Variants in VCAN observed in about 807,000 individuals in gnomAD.
The protein encoded by VCAN is versican core protein.
Under a neutral mutation model 245.5 loss-of-function variants are expected in VCAN, and 44 were observed. The observed-to-expected ratio is 0.18, with a 90% CI of 0.14 to 0.23. The LOEUF (loss-of-function observed/expected upper bound fraction) is 0.23, where lower values mean the gene tolerates loss of function less well. Among genes scored for constraint, VCAN ranks in the 10% least tolerant of loss-of-function variants. The probability of loss-of-function intolerance (pLI) is 1.00; values close to 1 mark genes in which losing one functional copy is unlikely to be tolerated. For synonymous variants in VCAN, 1,413 were observed against 1,437.0 expected (o/e 0.98, Z 0.38); for missense variants, 3,793 against 4,057.9 (o/e 0.93, Z 1.77).
rs61754531 is a variant in VCAN, at chr5:83,520,371, A to G, written c.2065A>G (p.Thr689Ala). The G allele has an allele frequency of 9.0e-3, 14,538 of 1,612,284 alleles. 99 individuals are homozygous for G. The highest frequency in any genetic ancestry group is 0.018 in the Middle Eastern group (108 of 6,052). Residue 689 changes from threonine to alanine, a missense_variant, in exon 7 of 15, where the codon ACA becomes GCA. Thr to Ala is a moderately conservative substitution (Grantham distance 58). Coordinates refer to ENST00000265077, the MANE Select transcript of VCAN (RefSeq NM_004385.5). ...EMTHRRERTETLIPEMRTDTY... is the reference protein window; with the variant it reads ...EMTHRRERTEALIPEMRTDTY... ...GACACATAGAAGAGAAAGAACAGAA[A>G]CACTAATACCAGAGATGAGAACAGA...
At chr5:83,501,911 G>A (rs1373208413) in intron 5 of VCAN, among the ~76,000 whole-genome samples, 3 of 152,082 alleles carry the variant, frequency 2.0e-5, no homozygotes, top group African/African-American at 7.2e-5. Flanking sequence ...TATGTCTTCT[G>A]ATCTGTGAAC....
intron 7 of VCAN, among the ~76,000 whole-genome samples, chr5:83,529,774 C>A (rs761162407): frequency 1.1e-4 from 17 of 152,138 alleles, no homozygotes; most frequent in Non-Finnish European, 7.4e-5. Context: ...CTGTGACAGG[C>A]ATTTCACATA....
At chr5:83,548,200 T>G in intron 10 of VCAN, 116 bp downstream of exon 10, 1 of 788,682 alleles carries the variant, frequency 1.3e-6, no homozygotes, top group Non-Finnish European at 2.2e-6. Flanking sequence ...GGTTTCCTTA[T>G]TCAGGGATAG....
At chr5:83,490,614 C>A in intron 3 of VCAN, 142 bp downstream of exon 3, 2 of 1,293,454 alleles carry the variant, frequency 1.5e-6, no homozygotes, top group South Asian at 1.4e-5. Context: ...CCACGTCTTT[C>A]ACCAAAAATG....
Position 83,539,215 on chromosome 5 carries a change from C to A in VCAN, c.6212C>A (p.Ala2071Asp). 6.2e-7 allele frequency: 1 copy of A among 1,614,006 alleles called. No homozygotes were observed. The highest frequency in any genetic ancestry group is 8.5e-7 in the Non-Finnish European group (1 of 1,179,984). The change falls in exon 8 of 15, where the codon GCT becomes GAT. Residue 2071 changes from alanine to aspartate, a missense_variant. By Grantham distance (126) the Ala-to-Asp change is moderately radical. Transcript: ENST00000265077. Reference protein sequence around the residue: ...LPTAEVEGTKAPVEKEEVKVS... With the variant: ...LPTAEVEGTKDPVEKEEVKVS... ...ACAGCAGAAGTGGAAGGTACGAAAG[C>A]TCCAGTAGAGAAGGAGGAAGTAAAG...
intron 1 of VCAN, among the ~76,000 whole-genome samples, chr5:83,479,642 T>C (rs1031874315): frequency 2.6e-5 from 4 of 152,116 alleles, no homozygotes; most frequent in African/African-American, 4.8e-5. Context: ...GAAATAGGGA[T>C]TTGGAGTGGT....
chr5:83,578,055 G>C (rs1748543109), intron 13 of VCAN, among the ~76,000 whole-genome samples: 2 of 151,994 alleles, frequency 1.3e-5, no homozygotes, highest in South Asian at 4.2e-4. Flanking sequence ...TATCACTTTG[G>C]TCTTATTCCA....
In VCAN at chr5:83,541,282, C is replaced by T. The variant is rs1485725400; in HGVS notation, c.8279C>T (p.Ser2760Phe). ...GAAGACAAAAAACATGCTGGTCCTTCTTTTCAGCCAGAATTCTCTTCAGGA... is the reference window on the plus strand; with the variant it reads ...GAAGACAAAAAACATGCTGGTCCTTTTTTTCAGCCAGAATTCTCTTCAGGA... ...EYEDKKHAGP[S>F]FQPEFSSGAE... Residue 2760 changes from serine (S) to phenylalanine (F), a missense_variant, in exon 8 of 15, where the codon TCT becomes TTT. This residue lies in a region of VCAN where 3,182 missense variants were observed against 3,250.3 expected (regional missense o/e 0.98). Coordinates refer to ENST00000265077, the MANE Select transcript of VCAN (RefSeq NM_004385.5). 6.2e-7 allele frequency: 1 copy of T among 1,613,884 alleles called. No homozygotes were observed. Among genetic ancestry groups the T allele is most frequent in the Non-Finnish European group, 8.5e-7 (1 of 1,180,002 alleles).
chr5:83,563,930 G>T (rs1163910633), intron 12 of VCAN, among the ~76,000 whole-genome samples: 1 of 152,142 alleles, frequency 6.6e-6, no homozygotes, highest in African/African-American at 2.4e-5. Context: ...ATTTGGCTTT[G>T]GTTCTGATGC....
chr5:83,492,230 T>A (rs1315146298), intron 3 of VCAN, among the ~76,000 whole-genome samples: 1 of 152,148 alleles, frequency 6.6e-6, no homozygotes, highest in Non-Finnish European at 1.5e-5. Context: ...AGAGATGATC[T>A]AAGGATGAAC....
chr5:83,484,246 A>G lies in VCAN; in HGVS notation c.70+658A>G, dbSNP rs573269273. ...CACACTTATATTATGCATCAGACTC[A>G]CCTTTTATGATTTTCCAGATGAATT... On this transcript the variant is annotated intron_variant, in intron 2 of 14. Transcript: ENST00000265077. 2.0e-5 allele frequency among the ~76,000 whole-genome samples: 3 copies of G among 152,264 alleles called. No individual in the cohort carries two copies. The East Asian group carries it at 5.8e-4, about 29-fold the overall frequency.
intron 8 of VCAN, 86 bp downstream of exon 8, chr5:83,542,354 T>A: frequency 1.4e-6 from 2 of 1,388,806 alleles, no homozygotes; most frequent in Non-Finnish European, 1.0e-6. Flanking sequence ...ATTTTTATTG[T>A]GATGTTAAAT....
intron 12 of VCAN, among the ~76,000 whole-genome samples, chr5:83,557,031 AG>A (rs1056403226): frequency 6.6e-6 from 1 of 152,096 alleles, no homozygotes; most frequent in Non-Finnish European, 1.5e-5. Flanking sequence ...TGGCATGCCC[AG>A]GACTCAGCTG....
rs1746057090 is a variant in VCAN, at chr5:83,520,765, C to T, written c.2459C>T (p.Pro820Leu). The change falls in exon 7 of 15, where the codon CCT (proline) becomes CTT (leucine). Residue 820 changes from proline to leucine, a missense_variant. Transcript: ENST00000265077. ...TCCAAGCCTTTAGAGTCTACAGAAC[C>T]TTCAGCCTCTTCAAAATTGCCCCCT... ...TTSKPLESTE[P>L]SASSKLPPAL... 1 of 1,613,972 alleles carries T rather than the reference C, an allele frequency of 6.2e-7. No individual in the cohort carries two copies. Among genetic ancestry groups the T allele is most frequent in the Admixed American group, 1.7e-5 (1 of 59,990 alleles).
chr5:83,562,768 C>CT (rs1379734691), intron 12 of VCAN, among the ~76,000 whole-genome samples: 2 of 152,102 alleles, frequency 1.3e-5, no homozygotes, highest in Non-Finnish European at 2.9e-5. Flanking sequence ...GTAAAGGAGC[C>CT]TACTGGCACC....
Position 83,541,480 on chromosome 5 carries a change from C to T in VCAN, c.8477C>T (p.Ser2826Leu), listed in dbSNP as rs759103599. The T allele has an allele frequency of 3.1e-6, 5 of 1,614,094 alleles. No individual in the cohort carries two copies. The highest frequency in any genetic ancestry group is 4.2e-6 in the Non-Finnish European group (5 of 1,180,014). ...TFAKLSSQTP[S>L]SPLTIYSGSE... ...GCGAAGTTGTCTTCTCAGACACCAT[C>T]ATCTCCCCTCACTATCTACTCAGGC... Residue 2826 changes from serine to leucine, a missense_variant, in exon 8 of 15, where the codon TCA becomes TTA. Around this residue, in one of 5 missense-constraint regions of VCAN, gnomAD observed 3,182 missense variants for 3,250.3 expected, o/e 0.98. Coordinates refer to ENST00000265077, the MANE Select transcript of VCAN (RefSeq NM_004385.5).
chr5:83,541,106 A>G lies in VCAN; in HGVS notation c.8103A>G (p.Thr2701=), dbSNP rs1033831970. The part of the protein sequence containing the change: ...TSLPIPRKSA[T]VIPEIEGIKA... The stretch of plus-strand genomic sequence containing the variant: ...TGCCAATTCCTCGTAAGTCTGCCAC[A>G]GTTATTCCAGAGATTGAAGGAATAA... Residue 2701 remains threonine, a synonymous_variant, in exon 8 of 15, where the codon ACA becomes ACG. Transcript: ENST00000265077. 6.2e-7 allele frequency: 1 copy of G among 1,614,032 alleles called. No homozygotes were observed. Among genetic ancestry groups the G allele is most frequent in the African/African-American group, 1.3e-5 (1 of 74,930 alleles).
At chr5:83,547,327 G>A (rs1234611116) in intron 9 of VCAN, among the ~76,000 whole-genome samples, 1 of 152,160 alleles carries the variant, frequency 6.6e-6, no homozygotes, top group Admixed American at 6.5e-5. Flanking sequence ...CAGTAGATTT[G>A]GGGTGGAATT....
rs1412384249 is a variant in VCAN, at chr5:83,537,390, A to G, written c.4387A>G (p.Thr1463Ala). The change falls in exon 8 of 15, where the codon ACT (threonine) becomes GCT (alanine). Residue 1463 changes from threonine (T) to alanine (A), a missense_variant. This residue lies in a region of VCAN where 3,182 missense variants were observed against 3,250.3 expected (regional missense o/e 0.98). Coordinates refer to ENST00000265077, the MANE Select transcript of VCAN (RefSeq NM_004385.5). ...PFVIAKTELS[T>A]AVQPNESTET... ...TGTAATAGCCAAAACGGAATTGTCTACTGCTGTGCAACCTAATGAATCTAC... is the reference window on the plus strand; with the variant it reads ...TGTAATAGCCAAAACGGAATTGTCTGCTGCTGTGCAACCTAATGAATCTAC... The G allele has an allele frequency of 3.7e-6, 6 of 1,613,862 alleles. No homozygotes were observed. The highest frequency in any genetic ancestry group is 5.1e-6 in the Non-Finnish European group (6 of 1,179,948).
Sources: allele counts gnomAD v4.1 joint callset (sites outside exome capture counted in the v4.1 genomes callset), GRCh38; gene constraint gnomAD v4.1.1; regional missense constraint gnomAD v4.1.1; transcripts MANE v1.5; gene names NCBI Gene and HGNC (gene_info 2026-07-23, HGNC 2026-07-21).